Variants in KCNIP4 observed in about 807,000 individuals in gnomAD.
KCNIP4 encodes Kv channel-interacting protein 4.
In KCNIP4, 12 loss-of-function variants were observed where a neutral mutation model predicts 34.0. That is an observed-to-expected ratio of 0.35 (90% CI 0.23 to 0.57). The LOEUF (loss-of-function observed/expected upper bound fraction) is 0.57. Ranked by LOEUF, KCNIP4 falls within the 20% of genes least tolerant of loss-of-function variation. The pLI, the probability that KCNIP4 is intolerant of heterozygous loss-of-function variation, is 0.83. For missense variants in KCNIP4, 238 were observed against 311.7 expected, an observed-to-expected ratio of 0.76 and a Z score of 1.78; for synonymous variants, 124 against 102.2, an observed-to-expected ratio of 1.21 and a Z score of -1.29.
chr4:21,148,687 GAA>G (rs200721752), intron 1 of KCNIP4, among the ~76,000 whole-genome samples: 1 of 135,498 alleles, frequency 7.4e-6, no homozygotes. Flanking sequence ...TACTACAGAA[GAA>G]AAAAAAAAAA....
At position 21,582,006 on chromosome 4, in the gene KCNIP4, A is replaced by AAGAATAGAAT. The variant is rs1170134097; in HGVS notation, c.61+366555_61+366564dup. ...ATAGAATAGACTACATAGGGCATAG[A>AAGAATAGAAT]AGAATAGAATAGAATAGAATAGAAT... is the stretch of plus-strand genomic sequence containing the variant. On this transcript the variant is annotated intron_variant, in intron 1 of 8. Coordinates refer to ENST00000382152, the MANE Select transcript of KCNIP4 (RefSeq NM_025221.6). The AAGAATAGAAT allele has an allele frequency of 1.4e-4, 14 of 96,574 alleles. 1 individual carries two copies. The highest frequency in any genetic ancestry group is 1.3e-3 in the South Asian group (4 of 3,066). 6.0% of individuals were successfully genotyped at this position (96,574 alleles called of 1,614,324 possible). A position where few individuals can be genotyped will look rare whatever the true frequency, so the allele number is the denominator to read the frequency against.
chr4:21,081,897 A>G lies in KCNIP4; in HGVS notation c.62-199188T>C, dbSNP rs1374683878. On this transcript the variant is annotated intron_variant, in intron 1 of 8. Transcript: ENST00000382152. The stretch of plus-strand genomic sequence containing the variant: ...CGACAATCTTTCAAGATACCATCTA[A>G]CAAATGGAGGAAATATGTTTTCAGC... Among the ~76,000 whole-genome samples, 7 of 151,794 alleles carry G rather than the reference A, an allele frequency of 4.6e-5. 1 individual carries two copies. The highest frequency in any genetic ancestry group is 1.7e-4 in the African/African-American group (7 of 41,200).
rs1748168478 is a variant in KCNIP4 at position 20,731,416 on chromosome 4, A to G, written c.705+590T>C. On this transcript the variant is annotated intron_variant, in intron 8 of 8. Transcript: ENST00000382152. Reference sequence around the variant, plus strand: ...TGGTTCTGCCCACACATCAAGTCAAATAATTCTAAGTAAGCTAACACTGGT... The same window carrying G: ...TGGTTCTGCCCACACATCAAGTCAAGTAATTCTAAGTAAGCTAACACTGGT... The G allele has an allele frequency of 4.1e-6, 4 of 985,226 alleles. 1 individual carries two copies. In the South Asian group the frequency reaches 1.9e-4, roughly 46 times the overall value. The allele number at this position is 985,226 out of a possible 1,614,324, so 61.0% of individuals were successfully genotyped here.
rs952044946 is a variant in KCNIP4 at position 21,374,393 on chromosome 4, C to A, written c.62-491684G>T. Among the ~76,000 whole-genome samples, 21 of 146,904 alleles carry A rather than the reference C, an allele frequency of 1.4e-4. 1 individual carries two copies. The highest frequency in any genetic ancestry group is 1.4e-4 in the African/African-American group (5 of 36,620). On this transcript the variant is annotated intron_variant, in intron 1 of 8. Coordinates refer to ENST00000382152, the MANE Select transcript of KCNIP4 (RefSeq NM_025221.6). The stretch of plus-strand genomic sequence containing the variant: ...GAAAAAGGGGTTTCCCCTTATAAAA[C>A]CATCAGATCTAGTGAGACATATTCA...
At chr4:21,861,242 A>G (rs1725055628) in intron 1 of KCNIP4, among the ~76,000 whole-genome samples, 1 of 152,226 alleles carries the variant, frequency 6.6e-6, no homozygotes, top group Non-Finnish European at 1.5e-5. Flanking sequence ...GGGAGTTAAC[A>G]GAACTCACTG....
At chr4:21,779,574 G>A (rs1841183) in intron 1 of KCNIP4, among the ~76,000 whole-genome samples, 113,474 of 151,978 alleles carry the variant, frequency 0.75, 44,098 homozygotes, top group African/African-American at 0.91. Flanking sequence ...ATTATACCCT[G>A]ATAAAGCTTG....
chr4:21,838,391 G>A lies in KCNIP4; in HGVS notation c.61+110180C>T, dbSNP rs1048868477. On this transcript the variant is annotated intron_variant, in intron 1 of 8. Transcript: ENST00000382152. ...CAATGGACAATTCCTAATGTTCTTC[G>A]TGGACTGGTAGCTCACATGGGGCTT... Among the ~76,000 whole-genome samples, 5 of 152,116 alleles carry A rather than the reference G, an allele frequency of 3.3e-5. No individual in the cohort carries two copies. The South Asian group carries it at 8.3e-4, about 25-fold the overall frequency.
chr4:20,961,062 C>T (rs1244582901), intron 1 of KCNIP4, among the ~76,000 whole-genome samples: 1 of 152,080 alleles, frequency 6.6e-6, no homozygotes, highest in Non-Finnish European at 1.5e-5. Flanking sequence ...GGGATATTTT[C>T]CTATTGCTTT....
At chr4:21,623,311 A>G (rs1745109449) in intron 1 of KCNIP4, among the ~76,000 whole-genome samples, 1 of 152,210 alleles carries the variant, frequency 6.6e-6, no homozygotes, top group South Asian at 2.1e-4. Context: ...TACTTGCTAG[A>G]AAAATTACTA....
chr4:21,944,806 G>A (rs935245981), intron 1 of KCNIP4, among the ~76,000 whole-genome samples: 3 of 152,036 alleles, frequency 2.0e-5, no homozygotes, highest in Non-Finnish European at 2.9e-5. Flanking sequence ...AGGACGACAC[G>A]AATTGAGAAA....
At position 20,729,896 on chromosome 4, in the gene KCNIP4, A is replaced by C; in HGVS notation, c.*186T>G. 1.8e-6 allele frequency: 1 copy of C among 558,668 alleles called. No homozygotes were observed. The highest frequency in any genetic ancestry group is 2.9e-6 in the Non-Finnish European group (1 of 343,828). The allele number at this position is 558,668 out of a possible 1,614,324, so 34.6% of individuals were successfully genotyped here. On this transcript the variant is annotated 3_prime_UTR_variant, in exon 9 of 9. Transcript: ENST00000382152. ...TCCCCTGAACTCAGTGGCATTATGA[A>C]AAGGATGCAAATTTATAACTGAAAG...
At chr4:21,538,550 A>C (rs1474088543) in intron 1 of KCNIP4, among the ~76,000 whole-genome samples, 3 of 152,026 alleles carry the variant, frequency 2.0e-5, no homozygotes, top group Non-Finnish European at 4.4e-5. Context: ...CCTCTTCCTC[A>C]TTATTCCTTG....
intron 1 of KCNIP4, among the ~76,000 whole-genome samples, chr4:21,200,967 G>A (rs1051587593): frequency 2.0e-5 from 3 of 152,112 alleles, no homozygotes; most frequent in Non-Finnish European, 4.4e-5. Flanking sequence ...TGCAAAAGAA[G>A]AAACTGAGTC....
chr4:21,057,416 C>T (rs538718697), intron 1 of KCNIP4, among the ~76,000 whole-genome samples: 23 of 152,152 alleles, frequency 1.5e-4, no homozygotes, highest in East Asian at 1.4e-3. Flanking sequence ...ATGAAGGAAA[C>T]CTTTGTTAGC....
At chr4:21,753,943 A>C (rs1717326753) in intron 1 of KCNIP4, among the ~76,000 whole-genome samples, 1 of 152,104 alleles carries the variant, frequency 6.6e-6, no homozygotes, top group Non-Finnish European at 1.5e-5. Context: ...CCCCACCAGG[A>C]AATAGACAGA....
intron 1 of KCNIP4, among the ~76,000 whole-genome samples, chr4:21,837,010 C>T (rs920505395): frequency 1.8e-4 from 27 of 150,100 alleles, no homozygotes; most frequent in African/African-American, 4.6e-4. Context: ...CTCTGCCTCC[C>T]GGATTCACTC....
intron 1 of KCNIP4, among the ~76,000 whole-genome samples, chr4:21,784,885 A>C (rs959519291): frequency 9.2e-5 from 14 of 152,236 alleles, no homozygotes; most frequent in African/African-American, 3.4e-4. Flanking sequence ...CATTACTTAA[A>C]TATTTTCAAA....
At chr4:21,948,380 T>G (rs1730620643) in intron 1 of KCNIP4, among the ~76,000 whole-genome samples, 191 bp downstream of exon 1, 1 of 152,058 alleles carries the variant, frequency 6.6e-6, no homozygotes, top group African/African-American at 2.4e-5. Context: ...GGATCTTGCA[T>G]GCACCCCCCT....
rs75525545 is a variant in KCNIP4, at chr4:21,039,577, TGA to T, written c.62-156870_62-156869del. ...CACCCTCAAAGCACTTAAAATCTAA[TGA>T]GAGAGACAAACAAACTGGAAAATTT... is the stretch of plus-strand genomic sequence containing the variant. On this transcript the variant is annotated intron_variant, in intron 1 of 8. Coordinates refer to ENST00000382152, the MANE Select transcript of KCNIP4 (RefSeq NM_025221.6). Among the ~76,000 whole-genome samples the T allele has an allele frequency of 0.011, 1,735 of 152,144 alleles. 77 individuals carry two copies. The East Asian group carries it at 0.13, about 11-fold the overall frequency.
Sources: gnomAD v4.1 joint callset for allele counts (sites outside exome capture counted in the v4.1 genomes callset) on GRCh38, gnomAD v4.1.1 for gene constraint, MANE v1.5 for transcripts, NCBI Gene and HGNC (gene_info 2026-07-23, HGNC 2026-07-21) for gene names.